The following WWOX variants were observed in gnomAD, a reference collection of about 807,000 sequenced individuals.
The protein encoded by WWOX is WW domain-containing oxidoreductase.
WWOX carries 69 observed loss-of-function variants against 46.2 expected under a neutral mutation model. That is an observed-to-expected ratio of 1.49 (90% confidence interval 1.23 to 1.82). WWOX has a LOEUF of 1.82. Ranked by LOEUF, WWOX falls within the 40% of genes most tolerant of loss-of-function variation. The pLI, the probability that WWOX is intolerant of heterozygous loss-of-function variation, is 0.00. For missense variants in WWOX, 919 were observed against 542.6 expected (o/e 1.69, Z -6.89); for synonymous variants, 359 against 202.6 (o/e 1.77, Z -6.56).
chr16:78,874,848 A>G (rs2044203815), intron 8 of WWOX, among the ~76,000 whole-genome samples: 1 of 151,996 alleles, frequency 6.6e-6, no homozygotes, highest in African/African-American at 2.4e-5. Context: ...TTTCCACTGG[A>G]CTTTCCTACA....
chr16:78,958,374 C>A (rs974368385), intron 8 of WWOX, among the ~76,000 whole-genome samples: 2 of 152,170 alleles, frequency 1.3e-5, no homozygotes, highest in African/African-American at 4.8e-5. Context: ...GTACAAACCC[C>A]CATGGAAATA....
chr16:78,517,795 G>T (rs1168886123), intron 8 of WWOX, among the ~76,000 whole-genome samples: 1 of 146,158 alleles, frequency 6.8e-6, no homozygotes, highest in Non-Finnish European at 1.5e-5. Context: ...TCTGGATTAA[G>T]AGTGATGTCG....
Position 78,231,406 on chromosome 16 carries a change from C to A in WWOX, c.516+67117C>A, listed in dbSNP as rs78655625. Among the ~76,000 whole-genome samples the A allele has an allele frequency of 2.2e-3, 337 of 152,278 alleles. 2 individuals carry two copies. The East Asian group carries it at 0.023, about 10-fold the overall frequency. On this transcript the variant is annotated intron_variant, in intron 5 of 8. Transcript: ENST00000566780. Reference sequence around the variant, plus strand: ...TGCAGCTGTGACTAACAATAAAACACAGGATAATGTACCTACAGAAATGAG... The same window carrying A: ...TGCAGCTGTGACTAACAATAAAACAAAGGATAATGTACCTACAGAAATGAG...
intron 8 of WWOX, among the ~76,000 whole-genome samples, chr16:78,593,727 A>G (rs2045406316): frequency 2.2e-5 from 1 of 44,690 alleles, no homozygotes; most frequent in African/African-American, 7.0e-5. Flanking sequence ...TGTTGTAGTT[A>G]AAAAAAAAAA....
intron 5 of WWOX, 70 bp from the exon 6 acceptor site, chr16:78,386,790 T>G: frequency 1.5e-6 from 2 of 1,345,910 alleles, no homozygotes; most frequent in South Asian, 1.2e-5. Context: ...ATAACACATT[T>G]ACTGTAACTT....
rs540328351 is a variant in WWOX at position 79,089,144 on chromosome 16, C to T, written c.1057-122464C>T. Among the ~76,000 whole-genome samples the T allele has an allele frequency of 2.0e-5, 3 of 152,292 alleles. No individual in the cohort carries two copies. In the South Asian group the frequency reaches 6.2e-4, roughly 32 times the overall value. ...CATCAGGAAGGCCGCATATGGTGGG[C>T]ACAGGGCCTAGCTCTGCCGTTTTAT... On this transcript the variant is annotated intron_variant, in intron 8 of 8. Coordinates refer to ENST00000566780, the MANE Select transcript of WWOX (RefSeq NM_016373.4).
Position 79,153,601 on chromosome 16 carries a change from A to G in WWOX, c.1057-58007A>G, listed in dbSNP as rs188951294. On this transcript the variant is annotated intron_variant, in intron 8 of 8. Transcript: ENST00000566780. ...CTGCACACAATCAGTTGCCTGTCCA[A>G]AAAGCAATAAAGAACCTCTAGATTT... 6.0e-4 allele frequency among the ~76,000 whole-genome samples: 91 copies of G among 152,298 alleles called. 1 individual carries two copies. Among genetic ancestry groups the G allele is most frequent in the Non-Finnish European group, 6.8e-4 (46 of 68,042 alleles).
intron 8 of WWOX, among the ~76,000 whole-genome samples, chr16:78,974,157 A>G (rs995607022): frequency 6.6e-6 from 1 of 152,234 alleles, no homozygotes; most frequent in African/African-American, 2.4e-5. Context: ...AAACAATATC[A>G]GGAAAATTCA....
At chr16:78,509,558 G>A (rs1449710187) in intron 8 of WWOX, among the ~76,000 whole-genome samples, 1 of 152,118 alleles carries the variant, frequency 6.6e-6, no homozygotes, top group Non-Finnish European at 1.5e-5. Flanking sequence ...TGTCTATACG[G>A]TGGAGTATTT....
At chr16:79,048,871 C>A (rs1182267559) in intron 8 of WWOX, among the ~76,000 whole-genome samples, 1 of 152,136 alleles carries the variant, frequency 6.6e-6, no homozygotes, top group Non-Finnish European at 1.5e-5. Flanking sequence ...TATAGCACAT[C>A]TCTACCACCA....
chr16:78,820,083 T>G (rs1334898935), intron 8 of WWOX, among the ~76,000 whole-genome samples: 1 of 152,192 alleles, frequency 6.6e-6, no homozygotes, highest in Non-Finnish European at 1.5e-5. Context: ...TTATCATTCC[T>G]TTGATAACCG....
At chr16:78,855,846 G>T (rs1344207253) in intron 8 of WWOX, among the ~76,000 whole-genome samples, 3 of 152,166 alleles carry the variant, frequency 2.0e-5, no homozygotes, top group African/African-American at 7.2e-5. Flanking sequence ...CAGATTCTGT[G>T]TGAAGCCCAG....
chr16:78,813,117 G>C (rs1376430544), intron 8 of WWOX, among the ~76,000 whole-genome samples: 1 of 147,720 alleles, frequency 6.8e-6, no homozygotes, highest in Non-Finnish European at 1.5e-5. Flanking sequence ...TATACACGTT[G>C]TTCTATAAGT....
intron 8 of WWOX, among the ~76,000 whole-genome samples, chr16:78,808,456 T>A (rs976351901): frequency 6.6e-6 from 1 of 152,222 alleles, no homozygotes; most frequent in Non-Finnish European, 1.5e-5. Context: ...TAAAGTGTTA[T>A]TGAATCCATA....
chr16:78,318,458 G>C (rs2080399063), intron 5 of WWOX, among the ~76,000 whole-genome samples: 1 of 151,452 alleles, frequency 6.6e-6, no homozygotes, highest in South Asian at 2.1e-4. Flanking sequence ...TTATTCTGTT[G>C]TTTCCTAATT....
At chr16:78,498,877 C>A (rs1645025859) in intron 8 of WWOX, among the ~76,000 whole-genome samples, 1 of 151,656 alleles carries the variant, frequency 6.6e-6, no homozygotes, top group South Asian at 2.1e-4. Context: ...GTTTTTTTTC[C>A]TTAAATACAT....
intron 8 of WWOX, among the ~76,000 whole-genome samples, chr16:78,571,268 G>T (rs1018570035): frequency 1.3e-5 from 2 of 152,062 alleles, no homozygotes; most frequent in South Asian, 4.1e-4. Flanking sequence ...AGCCAGTAAT[G>T]GTTTAGAAAG....
intron 8 of WWOX, among the ~76,000 whole-genome samples, chr16:78,869,076 T>C (rs1489626029): frequency 6.6e-6 from 1 of 152,220 alleles, no homozygotes; most frequent in Non-Finnish European, 1.5e-5. Context: ...AACCACTGTA[T>C]GTTTATTTAC....
chr16:78,571,238 T>A (rs901949404), intron 8 of WWOX, among the ~76,000 whole-genome samples: 1 of 152,180 alleles, frequency 6.6e-6, no homozygotes, highest in African/African-American at 2.4e-5. Context: ...GTAAATGTGT[T>A]GCTTAAATAG....
Sources: gnomAD v4.1 joint callset for allele counts (sites outside exome capture counted in the v4.1 genomes callset) on GRCh38, gnomAD v4.1.1 for gene constraint, MANE v1.5 for transcripts, NCBI Gene and HGNC (gene_info 2026-07-23, HGNC 2026-07-21) for gene names.